The following KLRF1 variants were observed in gnomAD, a reference collection of about 807,000 sequenced individuals.
KLRF1 encodes killer cell lectin like receptor F1.
In KLRF1, 27 loss-of-function variants were observed where a neutral mutation model predicts 30.7. The ratio of observed to expected loss-of-function variants is 0.88; its 90% confidence interval spans 0.65 to 1.21. The LOEUF is 1.21. KLRF1 is among the 50% of genes most tolerant of loss of function. KLRF1 has a pLI of 0.00. For missense variants in KLRF1, 246 were observed against 259.3 expected (o/e 0.95, Z 0.35); for synonymous variants, 92 against 89.3 (o/e 1.03, Z -0.17).
chr12:9,835,731 A>G (rs1336842482), intron 3 of KLRF1, among the ~76,000 whole-genome samples: 1 of 152,108 alleles, frequency 6.6e-6, no homozygotes, highest in Non-Finnish European at 1.5e-5. Flanking sequence ...AAGGGTTACT[A>G]GGGGAATTCC....
At position 9,833,322 on chromosome 12, in the gene KLRF1, A is replaced by G. The variant is rs1867488465; in HGVS notation, c.204A>G (p.Leu68=). The change falls in exon 3 of 6, where the codon CTA becomes CTG. Residue 68 remains leucine, a synonymous_variant. Coordinates refer to ENST00000617889, the MANE Select transcript of KLRF1 (RefSeq NM_016523.3). ...LILLVSQGVL[L]KCQKGSCSNA... is the part of the protein sequence containing the mutation. ...TTCAAGTTTCTCAGGGAGTATTGCT[A>G]AAATGCCAAAAAGGAAGTTGTTCAA... is the stretch of plus-strand genomic sequence containing the variant. The G allele has an allele frequency of 5.6e-6, 9 of 1,603,560 alleles. No individual in the cohort carries two copies. Among genetic ancestry groups the G allele is most frequent in the Non-Finnish European group, 7.7e-6 (9 of 1,175,814 alleles).
the KLRF1 span, among the ~76,000 whole-genome samples, chr12:9,812,635 A>G: frequency 6.6e-6 from 1 of 152,194 alleles, no homozygotes; most frequent in South Asian, 2.1e-4. Flanking sequence ...GCTATCTATC[A>G]GATTCTGGTT....
At chr12:9,801,619 T>C in the KLRF1 span, among the ~76,000 whole-genome samples, 1 of 152,186 alleles carries the variant, frequency 6.6e-6, no homozygotes, top group East Asian at 1.9e-4. Flanking sequence ...CTTTTTTTCA[T>C]ATGTTTGTTG....
the KLRF1 span, among the ~76,000 whole-genome samples, chr12:9,811,319 CAAAA>C: frequency 2.6e-4 from 16 of 62,186 alleles, no homozygotes; most frequent in African/African-American, 5.4e-4. Context: ...AGAAGTAGTC[CAAAA>C]AAAAAAAAAA....
intron 3 of KLRF1, among the ~76,000 whole-genome samples, chr12:9,834,005 G>A (rs944854857): frequency 6.6e-6 from 1 of 150,816 alleles, no homozygotes; most frequent in Admixed American, 6.6e-5. Context: ...GGAGATAGGG[G>A]TGAGGCCGTT....
At chr12:9,843,273 A>G (rs1867744255) in intron 5 of KLRF1, among the ~76,000 whole-genome samples, 1 of 152,074 alleles carries the variant, frequency 6.6e-6, no homozygotes, top group Admixed American at 6.6e-5. Context: ...CCAGAAGGTG[A>G]CTCTGCAGAC....
At chr12:9,837,110 T>A (rs1431600481) in intron 3 of KLRF1, among the ~76,000 whole-genome samples, 1 of 151,970 alleles carries the variant, frequency 6.6e-6, no homozygotes, top group Non-Finnish European at 1.5e-5. Context: ...AACAAGCAAA[T>A]CACTCTCCAT....
the KLRF1 span, among the ~76,000 whole-genome samples, chr12:9,802,831 AC>A: frequency 6.6e-6 from 1 of 152,118 alleles, no homozygotes; most frequent in African/African-American, 2.4e-5. Context: ...CAAATGAAAA[AC>A]ATTCCATGCT....
chr12:9,844,544 AG>A lies in KLRF1; in HGVS notation c.*19del. On this transcript the variant is annotated 3_prime_UTR_variant, in exon 6 of 6. Transcript: ENST00000617889. ...AGTATTAGAGTTTGACAAAATTCAC[AG>A]TGAAATAATCAATGATCACTATTTT... is the stretch of plus-strand genomic sequence containing the variant. The A allele has an allele frequency of 7.5e-7, 1 of 1,326,322 alleles. No individual in the cohort carries two copies. 82.2% of individuals were successfully genotyped at this position (1,326,322 alleles called of 1,614,324 possible). A position where few individuals can be genotyped will look rare whatever the true frequency, so the allele number is the denominator to read the frequency against.
At chr12:9,820,053 A>G in the KLRF1 span, among the ~76,000 whole-genome samples, 4 of 152,206 alleles carry the variant, frequency 2.6e-5, no homozygotes, top group Admixed American at 6.5e-5. Context: ...GCTTTACAAG[A>G]AAGTGGCCAG....
the KLRF1 span, among the ~76,000 whole-genome samples, chr12:9,810,135 T>C: frequency 6.6e-6 from 1 of 152,172 alleles, no homozygotes; most frequent in African/African-American, 2.4e-5. Context: ...ATTCTGTTTG[T>C]AGGTCATCCT....
the KLRF1 span, among the ~76,000 whole-genome samples, chr12:9,804,593 T>G: frequency 1.3e-5 from 2 of 152,090 alleles, no homozygotes; most frequent in Non-Finnish European, 2.9e-5. Flanking sequence ...TTGATTTTTT[T>G]GATTTAAATT....
chr12:9,834,232 C>T (rs1867518760), intron 3 of KLRF1, among the ~76,000 whole-genome samples: 1 of 151,972 alleles, frequency 6.6e-6, no homozygotes, highest in Admixed American at 6.6e-5. Flanking sequence ...AGGAACAAGC[C>T]ATTTTCACTT....
intron 5 of KLRF1, 135 bp downstream of exon 5, chr12:9,842,568 C>A: frequency 1.4e-6 from 1 of 696,190 alleles, no homozygotes; most frequent in Non-Finnish European, 2.2e-6. Flanking sequence ...TTAGTATTTA[C>A]AGGAGTAATG....
At chr12:9,810,436 C>G in the KLRF1 span, among the ~76,000 whole-genome samples, 38 of 150,890 alleles carry the variant, frequency 2.5e-4, no homozygotes, top group East Asian at 6.9e-3. Context: ...GATTCACAAA[C>G]TTAATGACTA....
chr12:9,800,984 G>A, the KLRF1 span, among the ~76,000 whole-genome samples: 1 of 151,850 alleles, frequency 6.6e-6, no homozygotes, highest in Non-Finnish European at 1.5e-5. Flanking sequence ...TTGTCCTAAT[G>A]CTCTCCCTCC....
At chr12:9,841,765 A>T (rs1047639571) in intron 3 of KLRF1, 47 bp from the exon 4 acceptor site, 19 of 1,464,868 alleles carry the variant, frequency 1.3e-5, no homozygotes, top group Non-Finnish European at 1.7e-5. Context: ...ATTTTCAGAG[A>T]TGCATATGTA....
the KLRF1 span, among the ~76,000 whole-genome samples, chr12:9,814,208 A>T: frequency 6.6e-6 from 1 of 152,178 alleles, no homozygotes; most frequent in South Asian, 2.1e-4. Flanking sequence ...AGTCAAAGGG[A>T]GCCAAAACGC....
At chr12:9,813,855 G>A in the KLRF1 span, among the ~76,000 whole-genome samples, 3 of 152,206 alleles carry the variant, frequency 2.0e-5, no homozygotes, top group African/African-American at 7.2e-5. Context: ...TGGGGGCCCC[G>A]AGACTAGGAT....
Sources: allele counts gnomAD v4.1 joint callset (sites outside exome capture counted in the v4.1 genomes callset), GRCh38; gene constraint gnomAD v4.1.1; transcripts MANE v1.5; gene names NCBI Gene and HGNC (gene_info 2026-07-23, HGNC 2026-07-21).